The following XKR4 variants were observed in gnomAD, a reference collection of about 807,000 sequenced individuals.
XKR4 encodes XK-related protein 4.
Under a neutral mutation model 53.9 loss-of-function variants are expected in XKR4, and 12 were observed. That is an observed-to-expected ratio of 0.22 (90% CI 0.14 to 0.36). The LOEUF (loss-of-function observed/expected upper bound fraction) is 0.36. XKR4 is among the 10% of genes least tolerant of loss of function. XKR4 has a pLI of 1.00. For synonymous variants in XKR4, 354 were observed against 362.4 expected (o/e 0.98, Z 0.26); for missense variants, 799 against 859.5 (o/e 0.93, Z 0.88).
chr8:55,287,190 C>T (rs1378269918), intron 1 of XKR4, among the ~76,000 whole-genome samples: 1 of 149,482 alleles, frequency 6.7e-6, no homozygotes, highest in African/African-American at 2.5e-5. Context: ...AATACAAAAA[C>T]AAATCACCAA....
At chr8:55,132,008 G>A (rs1444898765) in intron 1 of XKR4, among the ~76,000 whole-genome samples, 5 of 152,174 alleles carry the variant, frequency 3.3e-5, no homozygotes, top group Non-Finnish European at 7.4e-5. Context: ...GTGTAGCGCA[G>A]AGCCCGAAGG....
intron 1 of XKR4, among the ~76,000 whole-genome samples, chr8:55,130,724 A>G (rs1816541393): frequency 1.3e-5 from 2 of 152,098 alleles, no homozygotes; most frequent in Admixed American, 6.6e-5. Context: ...GGTTCATGTA[A>G]GTTGTAGTGT....
At chr8:55,459,105 A>G (rs1282940680) in intron 2 of XKR4, among the ~76,000 whole-genome samples, 2 of 152,240 alleles carry the variant, frequency 1.3e-5, no homozygotes, top group Non-Finnish European at 2.9e-5. Context: ...CAGAATATAG[A>G]GTCCAGAAAT....
At chr8:55,401,632 C>G (rs1286349980) in intron 2 of XKR4, among the ~76,000 whole-genome samples, 2 of 152,218 alleles carry the variant, frequency 1.3e-5, no homozygotes, top group Non-Finnish European at 2.9e-5. Flanking sequence ...TGCTTGCCAA[C>G]ACCCTCAGAG....
In XKR4 at chr8:55,535,158, G is replaced by A. The variant is rs17436500; in HGVS notation, c.*10931G>A. On this transcript the variant is annotated 3_prime_UTR_variant, in exon 3 of 3. Coordinates refer to ENST00000327381, the MANE Select transcript of XKR4 (RefSeq NM_052898.2). ...TCAGTTTTCAGAACTAGCTCTTGGC[G>A]CAAGCCCTGAAATAAAATGGGGACA... 0.35 allele frequency: 53,263 copies of A among 151,532 alleles called. 9,560 individuals carry two copies. The highest frequency in any genetic ancestry group is 0.4 in the Middle Eastern group (116 of 292). 9.4% of individuals were successfully genotyped at this position (151,532 alleles called of 1,614,324 possible). A position where few individuals can be genotyped will look rare whatever the true frequency, so the allele number is the denominator to read the frequency against.
At chr8:55,501,721 T>C (rs1263703314) in intron 2 of XKR4, among the ~76,000 whole-genome samples, 1 of 152,164 alleles carries the variant, frequency 6.6e-6, no homozygotes, top group African/African-American at 2.4e-5. Context: ...TGTTTATCCA[T>C]TCATCCATCA....
At chr8:55,348,414 A>G (rs1167018832) in intron 1 of XKR4, among the ~76,000 whole-genome samples, 1 of 152,212 alleles carries the variant, frequency 6.6e-6, no homozygotes, top group Non-Finnish European at 1.5e-5. Flanking sequence ...CTCACAGGAT[A>G]TCGTCTATGA....
intron 1 of XKR4, among the ~76,000 whole-genome samples, chr8:55,202,241 C>T (rs966227592): frequency 2.0e-5 from 3 of 152,054 alleles, no homozygotes; most frequent in Admixed American, 6.5e-5. Flanking sequence ...CCTGAGGGTT[C>T]GATATGTCAT....
intron 1 of XKR4, among the ~76,000 whole-genome samples, chr8:55,141,115 T>G (rs1816696602): frequency 6.6e-6 from 1 of 152,080 alleles, no homozygotes; most frequent in Non-Finnish European, 1.5e-5. Context: ...TAGCAATCAG[T>G]CCCCATTCCC....
In XKR4 at chr8:55,524,127, A is replaced by G; in HGVS notation, c.1853A>G (p.Lys618Arg). The G allele has an allele frequency of 6.2e-7, 1 of 1,614,234 alleles. No individual in the cohort carries two copies. The highest frequency in any genetic ancestry group is 8.5e-7 in the Non-Finnish European group (1 of 1,180,046). ...CATGTTTTGGACCGAAGCCTCCGAAAGGCTATTTTAGCTTTTGAATGTTCC... is the reference window on the plus strand; with the variant it reads ...CATGTTTTGGACCGAAGCCTCCGAAGGGCTATTTTAGCTTTTGAATGTTCC... ...ERHVLDRSLRKAILAFECSPS... is the reference protein window; with the variant it reads ...ERHVLDRSLRRAILAFECSPS... Residue 618 changes from lysine (K) to arginine (R), a missense_variant, in exon 3 of 3, where the codon AAG becomes AGG. By Grantham distance (26) the Lys-to-Arg change is conservative. Coordinates refer to ENST00000327381, the MANE Select transcript of XKR4 (RefSeq NM_052898.2).
chr8:55,337,295 A>G (rs1273977898), intron 1 of XKR4, among the ~76,000 whole-genome samples: 1 of 152,192 alleles, frequency 6.6e-6, no homozygotes, highest in African/African-American at 2.4e-5. Context: ...CCTTGAAGAG[A>G]GTGCCCCATT....
At chr8:55,435,301 G>A (rs1308148896) in intron 2 of XKR4, among the ~76,000 whole-genome samples, 1 of 152,066 alleles carries the variant, frequency 6.6e-6, no homozygotes, top group Admixed American at 6.6e-5. Context: ...ACCAAAGGCG[G>A]AGTCTCTTCC....
intron 1 of XKR4, among the ~76,000 whole-genome samples, chr8:55,242,480 CAAG>C (rs1818224334): frequency 6.6e-6 from 1 of 152,100 alleles, no homozygotes; most frequent in Non-Finnish European, 1.5e-5. Context: ...CAAGGCACTG[CAAG>C]AAGGAAGCAT....
intron 1 of XKR4, among the ~76,000 whole-genome samples, chr8:55,236,341 T>G (rs1818122793): frequency 6.6e-6 from 1 of 152,166 alleles, no homozygotes; most frequent in South Asian, 2.1e-4. Context: ...TCTCCAGTGG[T>G]TCCTGGCCTT....
chr8:55,208,529 C>T (rs139218690), intron 1 of XKR4, among the ~76,000 whole-genome samples: 181 of 151,832 alleles, frequency 1.2e-3, no homozygotes, highest in African/African-American at 3.9e-3. Context: ...GGCAGTGGTG[C>T]GATCTCCGTT....
chr8:55,451,960 T>C (rs2929049), intron 2 of XKR4: 343,737 of 769,396 alleles, frequency 0.45, 78,208 homozygotes, highest in East Asian at 0.51. Context: ...CTAGCTGAGT[T>C]GGGGTTGTAC....
intron 2 of XKR4, among the ~76,000 whole-genome samples, chr8:55,406,300 T>C (rs1804680536): frequency 6.6e-6 from 1 of 152,096 alleles, no homozygotes; most frequent in South Asian, 2.1e-4. Flanking sequence ...ATATCAGAAA[T>C]AGGGGTTAAA....
intron 1 of XKR4, among the ~76,000 whole-genome samples, chr8:55,117,737 T>C (rs1164352939): frequency 6.6e-6 from 1 of 152,192 alleles, no homozygotes; most frequent in African/African-American, 2.4e-5. Flanking sequence ...CTTTTCCCAC[T>C]ATATCTTACT....
At chr8:55,219,445 A>T (rs981971586) in intron 1 of XKR4, among the ~76,000 whole-genome samples, 1 of 152,080 alleles carries the variant, frequency 6.6e-6, no homozygotes. Context: ...GGGGCGGGGG[A>T]AGTGAGTCGT....
Sources: gnomAD v4.1 joint callset for allele counts (sites outside exome capture counted in the v4.1 genomes callset) on GRCh38, gnomAD v4.1.1 for gene constraint, MANE v1.5 for transcripts, NCBI Gene and HGNC (gene_info 2026-07-23, HGNC 2026-07-21) for gene names.